The following TLCD4 variants were observed in gnomAD, a reference collection of about 807,000 sequenced individuals.
The protein encoded by TLCD4 is TLC domain-containing protein 4.
In TLCD4, 7 loss-of-function variants were observed where a neutral mutation model predicts 24.2. The observed-to-expected ratio is 0.29, with a 90% CI of 0.16 to 0.54. The LOEUF (loss-of-function observed/expected upper bound fraction) is 0.54, where lower values mean the gene tolerates loss of function less well. Among genes scored for constraint, TLCD4 ranks in the 20% least tolerant of loss-of-function variants. The probability of loss-of-function intolerance (pLI) is 0.95; values close to 1 mark genes in which losing one functional copy is unlikely to be tolerated. For missense variants in TLCD4, 259 were observed against 313.9 expected (o/e 0.82, Z 1.32); for synonymous variants, 103 against 106.4 (o/e 0.97, Z 0.20).
intron 5 of TLCD4, among the ~76,000 whole-genome samples, chr1:95,167,529 G>C (rs1413968862): frequency 1.3e-5 from 2 of 152,050 alleles, no homozygotes; most frequent in Non-Finnish European, 2.9e-5. Context: ...GCGGGGTCCA[G>C]GGTCTAAAAC....
upstream of TLCD4, among the ~76,000 whole-genome samples, chr1:95,112,665 G>C (rs1466213983): frequency 1.3e-5 from 2 of 152,172 alleles, no homozygotes; most frequent in Non-Finnish European, 2.9e-5. Context: ...TCAGGAATAA[G>C]AGTAGAATGA....
intron 1 of TLCD4, among the ~76,000 whole-genome samples, chr1:95,129,975 T>C (rs1676842558): frequency 2.0e-5 from 3 of 152,188 alleles, no homozygotes; most frequent in Admixed American, 2.0e-4. Flanking sequence ...ATTTTCTTCA[T>C]ATTATCCTCC....
chr1:95,155,897 G>A (rs1159025606), intron 5 of TLCD4, among the ~76,000 whole-genome samples: 2 of 151,906 alleles, frequency 1.3e-5, no homozygotes, highest in African/African-American at 2.4e-5. Flanking sequence ...AGGGATGTAA[G>A]ATTTAAATAT....
chr1:95,106,457 T>G, the TLCD4 span, among the ~76,000 whole-genome samples: 52,279 of 152,068 alleles, frequency 0.34, 10,518 homozygotes, highest in Middle Eastern at 0.45. Context: ...TCCTACCACT[T>G]TGGCAGGCCG....
chr1:95,105,933 G>A, the TLCD4 span, among the ~76,000 whole-genome samples: 33 of 121,976 alleles, frequency 2.7e-4, 1 homozygote, highest in South Asian at 4.4e-3. Context: ...AAGAAAGGAC[G>A]AGTGCAGAAA....
At chr1:95,190,096 CT>C (rs71097254) in intron 6 of TLCD4, among the ~76,000 whole-genome samples, 85,425 of 135,002 alleles carry the variant, frequency 0.63, 26,689 homozygotes, top group Middle Eastern at 0.75. Flanking sequence ...TTTGCACTTT[CT>C]TTTTTTTTTT....
Position 95,197,184 on chromosome 1 carries a change from T to C in TLCD4, c.*5316T>C, listed in dbSNP as rs933547387. On this transcript the variant is annotated 3_prime_UTR_variant, in exon 7 of 7. Transcript: ENST00000370203. ...TTTATTTCCATAAGGCTGAAGAACT[T>C]TTATTTACAAAATGTAAGACTAGAT... is the stretch of plus-strand genomic sequence containing the variant. 7 of 152,134 alleles carry C rather than the reference T, an allele frequency of 4.6e-5. No homozygotes were observed. Among genetic ancestry groups the C allele is most frequent in the Admixed American group, 4.6e-4 (7 of 15,274 alleles). 9.4% of individuals were successfully genotyped at this position (152,134 alleles called of 1,614,324 possible).
In TLCD4 at chr1:95,173,898, C is replaced by T. The variant is rs754161357; in HGVS notation, c.473+9C>T. On this transcript the variant is annotated intron_variant, in intron 6 of 6. Transcript: ENST00000370203. Reference sequence around the variant, plus strand: ...CCGTTTGTGAATCAGCGGTATGTTACTGATATCATTGATTATTTTAAAGTC... The same window carrying T: ...CCGTTTGTGAATCAGCGGTATGTTATTGATATCATTGATTATTTTAAAGTC... 9 of 1,613,712 alleles carry T rather than the reference C, an allele frequency of 5.6e-6. No individual in the cohort carries two copies. The highest frequency in any genetic ancestry group is 3.3e-5 in the South Asian group (3 of 90,878).
chr1:95,142,232 C>CATAGTACTAT (rs1677218434), intron 1 of TLCD4, among the ~76,000 whole-genome samples: 1 of 142,510 alleles, frequency 7.0e-6, no homozygotes, highest in Non-Finnish European at 1.5e-5. Flanking sequence ...TGCATATATG[C>CATAGTACTAT]ATAGTACTAT....
chr1:95,158,700 A>T (rs1170476721), intron 5 of TLCD4, among the ~76,000 whole-genome samples: 2 of 110,734 alleles, frequency 1.8e-5, no homozygotes, highest in African/African-American at 7.2e-5. Context: ...GCTGTTCCCC[A>T]TCCTGTGTCC....
chr1:95,155,166 C>T (rs763065910), intron 5 of TLCD4, among the ~76,000 whole-genome samples: 2 of 151,912 alleles, frequency 1.3e-5, no homozygotes, highest in African/African-American at 2.4e-5. Flanking sequence ...CCTTATAAAC[C>T]TCTGGTCTTA....
chr1:95,113,258 G>T (rs570967708), upstream of TLCD4, among the ~76,000 whole-genome samples: 27 of 152,038 alleles, frequency 1.8e-4, no homozygotes, highest in Non-Finnish European at 1.8e-4. Flanking sequence ...GGCCAGGCTG[G>T]TGGTCTCAAC....
intron 1 of TLCD4, among the ~76,000 whole-genome samples, chr1:95,123,085 AG>A (rs1676614608): frequency 6.6e-6 from 1 of 152,194 alleles, no homozygotes; most frequent in South Asian, 2.1e-4. Flanking sequence ...CTGGGATTAC[AG>A]GCCTGAGCCA....
At chr1:95,122,984 T>TAA (rs763024707) in intron 1 of TLCD4, among the ~76,000 whole-genome samples, 6 of 151,604 alleles carry the variant, frequency 4.0e-5, no homozygotes, top group African/African-American at 1.5e-4. Context: ...TTTTTTTTTT[T>TAA]AAAAAGAGAA....
At chr1:95,139,455 A>AT (rs200337389) in intron 1 of TLCD4, among the ~76,000 whole-genome samples, 9,706 of 93,524 alleles carry the variant, frequency 0.1, 1,012 homozygotes, top group East Asian at 0.33. Flanking sequence ...TAAACCTTTG[A>AT]TTTTTTTTTT....
rs1465865234 is a variant in TLCD4 at position 95,196,332 on chromosome 1, G to A, written c.*4464G>A. Reference sequence around the variant, plus strand: ...GTTATGAGAGGGTGGATGCTGGCTTGTGCCAAAATTATTTTAGAGTCCTGC... The same window carrying A: ...GTTATGAGAGGGTGGATGCTGGCTTATGCCAAAATTATTTTAGAGTCCTGC... On this transcript the variant is annotated 3_prime_UTR_variant, in exon 7 of 7. Transcript: ENST00000370203. 1.3e-5 allele frequency: 2 copies of A among 152,144 alleles called. No individual in the cohort carries two copies. The highest frequency in any genetic ancestry group is 4.8e-5 in the African/African-American group (2 of 41,438). 9.4% of individuals were successfully genotyped at this position (152,144 alleles called of 1,614,324 possible). A position where few individuals can be genotyped will look rare whatever the true frequency, so the allele number is the denominator to read the frequency against.
At chr1:95,098,483 G>T in the TLCD4 span, among the ~76,000 whole-genome samples, 1 of 152,168 alleles carries the variant, frequency 6.6e-6, no homozygotes, top group Admixed American at 6.5e-5. Flanking sequence ...TGGTTCCTGG[G>T]GACATGCCCA....
At chr1:95,185,658 A>G (rs773213404) in intron 6 of TLCD4, among the ~76,000 whole-genome samples, 11 of 152,220 alleles carry the variant, frequency 7.2e-5, no homozygotes, top group Non-Finnish European at 1.5e-4. Flanking sequence ...TTAATAGTAC[A>G]TATATTTTCT....
chr1:95,096,449 G>A, the TLCD4 span, among the ~76,000 whole-genome samples: 1 of 152,108 alleles, frequency 6.6e-6, no homozygotes, highest in African/African-American at 2.4e-5. Flanking sequence ...AGTAACCTGG[G>A]GTAAGACAAG....
Sources: gnomAD v4.1 joint callset for allele counts (sites outside exome capture counted in the v4.1 genomes callset) on GRCh38, gnomAD v4.1.1 for gene constraint, MANE v1.5 for transcripts, NCBI Gene and HGNC (gene_info 2026-07-23, HGNC 2026-07-21) for gene names.